Variants in UBXN7 observed in about 807,000 individuals in gnomAD.
The protein encoded by UBXN7 is UBX domain protein 7.
Under a neutral mutation model 58.0 loss-of-function variants are expected in UBXN7, and 9 were observed. The ratio of observed to expected loss-of-function variants is 0.16; its 90% CI spans 0.09 to 0.27. The LOEUF (loss-of-function observed/expected upper bound fraction) is 0.27, where lower values mean the gene tolerates loss of function less well. Among genes scored for constraint, UBXN7 ranks in the 10% least tolerant of loss-of-function variants. The probability of loss-of-function intolerance (pLI) is 1.00; values close to 1 mark genes in which losing one functional copy is unlikely to be tolerated. For missense variants in UBXN7, 328 were observed against 599.6 expected (o/e 0.55, Z 4.73); for synonymous variants, 208 against 205.0 (o/e 1.01, Z -0.12).
intron 1 of UBXN7, among the ~76,000 whole-genome samples, chr3:196,421,546 T>G (rs926299191): frequency 6.7e-6 from 1 of 149,996 alleles, no homozygotes; most frequent in Non-Finnish European, 1.5e-5. Flanking sequence ...CTGAGGCAGG[T>G]GGATTACAAG....
chr3:196,375,978 G>A (rs1418841993), intron 5 of UBXN7, among the ~76,000 whole-genome samples: 1 of 152,138 alleles, frequency 6.6e-6, no homozygotes, highest in African/African-American at 2.4e-5. Context: ...GCAGTGAGCT[G>A]GGATCATGCC....
chr3:196,425,791 T>C (rs894581953), intron 1 of UBXN7, among the ~76,000 whole-genome samples: 48 of 152,200 alleles, frequency 3.2e-4, no homozygotes, highest in African/African-American at 1.1e-3. Context: ...TCTCTGCATG[T>C]TTCTCCTGCA....
chr3:196,408,197 A>G (rs1351783181), intron 1 of UBXN7, among the ~76,000 whole-genome samples: 2 of 152,050 alleles, frequency 1.3e-5, no homozygotes, highest in Non-Finnish European at 2.9e-5. Context: ...AAAATCTGGT[A>G]AGAAATGTCA....
intron 1 of UBXN7, among the ~76,000 whole-genome samples, chr3:196,408,489 T>C (rs1231112330): frequency 6.6e-6 from 1 of 152,212 alleles, no homozygotes. Flanking sequence ...GGAAATAACA[T>C]AAATGTCTAG....
rs1362984296 is a variant in UBXN7, at chr3:196,352,168, A to T, written c.*4517T>A. The T allele has an allele frequency of 6.6e-6, 1 of 152,226 alleles. No homozygotes were observed. The highest frequency in any genetic ancestry group is 6.5e-5 in the Admixed American group (1 of 15,280). 9.4% of individuals were successfully genotyped at this position (152,226 alleles called of 1,614,324 possible). ...CTTCCCTTTTTCTAAGTTTGAACTAATAGGTAAACATTTACATGCTCTCCA... is the reference window on the plus strand; with the variant it reads ...CTTCCCTTTTTCTAAGTTTGAACTATTAGGTAAACATTTACATGCTCTCCA... On this transcript the variant is annotated 3_prime_UTR_variant, in exon 11 of 11. Transcript: ENST00000296328. This position sits in a 1 kb window ranked among gnomAD's most constrained non-coding sequence, Gnocchi z 4.1.
chr3:196,375,221 AC>A (rs1560223501), intron 5 of UBXN7, among the ~76,000 whole-genome samples: 2 of 150,794 alleles, frequency 1.3e-5, no homozygotes, highest in Admixed American at 1.3e-4. Flanking sequence ...ACACACACAC[AC>A]ACACGTAAAA....
chr3:196,422,010 C>A (rs1730704814), intron 1 of UBXN7, among the ~76,000 whole-genome samples: 1 of 151,848 alleles, frequency 6.6e-6, no homozygotes, highest in Admixed American at 6.6e-5. Flanking sequence ...ACCAGACTGG[C>A]CAATGTGGTG....
At chr3:196,411,716 C>T (rs1345850335) in intron 1 of UBXN7, among the ~76,000 whole-genome samples, 1 of 151,918 alleles carries the variant, frequency 6.6e-6, no homozygotes, top group Non-Finnish European at 1.5e-5. Flanking sequence ...GAGGCTGAGA[C>T]AGGAGAATCG....
chr3:196,376,536 A>C (rs1469830158), intron 5 of UBXN7, among the ~76,000 whole-genome samples: 1 of 121,930 alleles, frequency 8.2e-6, no homozygotes, highest in Non-Finnish European at 1.6e-5. Flanking sequence ...ACAGAGCGAG[A>C]CTCTGTCTCA....
At chr3:196,376,565 A>AAG (rs1729033143) in intron 5 of UBXN7, among the ~76,000 whole-genome samples, 1 of 149,850 alleles carries the variant, frequency 6.7e-6, no homozygotes, top group Admixed American at 6.7e-5. Context: ...AAAAAAAAAA[A>AAG]AAAGAAAAGA....
At chr3:196,375,415 G>A (rs1019469560) in intron 5 of UBXN7, among the ~76,000 whole-genome samples, 5 of 151,872 alleles carry the variant, frequency 3.3e-5, no homozygotes, top group Non-Finnish European at 7.4e-5. Flanking sequence ...CAAGGAGTTC[G>A]AGACCACCCT....
intron 2 of UBXN7, among the ~76,000 whole-genome samples, chr3:196,404,067 G>A (rs1036325305): frequency 4.1e-5 from 6 of 146,322 alleles, no homozygotes; most frequent in Non-Finnish European, 8.9e-5. Context: ...TGGCAACATA[G>A]TAAGACTCCA....
chr3:196,431,165 T>A (rs1731032884), intron 1 of UBXN7, among the ~76,000 whole-genome samples: 1 of 152,168 alleles, frequency 6.6e-6, no homozygotes, highest in African/African-American at 2.4e-5. Flanking sequence ...TCTAGGAACA[T>A]TAACAGTGGA....
At position 196,356,450 on chromosome 3, in the gene UBXN7, G is replaced by C; in HGVS notation, c.*235C>G. On this transcript the variant is annotated 3_prime_UTR_variant, in exon 11 of 11. Coordinates refer to ENST00000296328, the MANE Select transcript of UBXN7 (RefSeq NM_015562.2). Reference sequence around the variant, plus strand: ...GATTAGGTAAGAAAGAAAAGTGTGGGGGGAGGGGGAGGCAGAAGGGTACGG... The same window carrying C: ...GATTAGGTAAGAAAGAAAAGTGTGGCGGGAGGGGGAGGCAGAAGGGTACGG... The C allele has an allele frequency of 2.5e-6, 1 of 393,994 alleles. No homozygotes were observed. Among genetic ancestry groups the C allele is most frequent in the Non-Finnish European group, 4.5e-6 (1 of 222,548 alleles). 24.4% of individuals were successfully genotyped at this position (393,994 alleles called of 1,614,324 possible).
At chr3:196,424,108 C>T (rs1322228970) in intron 1 of UBXN7, among the ~76,000 whole-genome samples, 4 of 151,980 alleles carry the variant, frequency 2.6e-5, no homozygotes, top group Non-Finnish European at 5.9e-5. Context: ...CCAGGCTGGT[C>T]TCAAACTCCT....
At chr3:196,367,990 C>T in intron 8 of UBXN7, 38 bp downstream of exon 8, 1 of 1,600,674 alleles carries the variant, frequency 6.2e-7, no homozygotes, top group Non-Finnish European at 8.5e-7. Flanking sequence ...TGACCAATTA[C>T]ATTTATTTTC....
chr3:196,423,483 A>C, intron 1 of UBXN7: 1 of 237,064 alleles, frequency 4.2e-6, no homozygotes, highest in Non-Finnish European at 8.5e-6. Context: ...GGCTTGGGGT[A>C]CTTGTTCCCC....
At chr3:196,416,948 G>T (rs1312376659) in intron 1 of UBXN7, among the ~76,000 whole-genome samples, 1 of 152,196 alleles carries the variant, frequency 6.6e-6, no homozygotes, top group Non-Finnish European at 1.5e-5. Flanking sequence ...AAGGCCTGCA[G>T]TACCACGTGA....
At chr3:196,391,176 A>ACCC (rs1206882219) in intron 5 of UBXN7, among the ~76,000 whole-genome samples, 1 of 152,218 alleles carries the variant, frequency 6.6e-6, no homozygotes, top group Non-Finnish European at 1.5e-5. Flanking sequence ...CACACACACT[A>ACCC]TTCTCAGTAG....
Sources: allele counts gnomAD v4.1 joint callset (sites outside exome capture counted in the v4.1 genomes callset), GRCh38; gene constraint gnomAD v4.1.1; non-coding constraint Gnocchi (gnomAD v3.1); transcripts MANE v1.5; gene names NCBI Gene and HGNC (gene_info 2026-07-23, HGNC 2026-07-21).